FEZ2: variants seen among roughly 807,000 people sequenced by gnomAD.
The protein encoded by FEZ2 is fasciculation and elongation protein zeta 2.
Under a neutral mutation model 40.4 loss-of-function variants are expected in FEZ2, and 51 were observed. The observed-to-expected ratio is 1.26, with a 90% CI of 1.01 to 1.59. The LOEUF (loss-of-function observed/expected upper bound fraction) is 1.59, where lower values mean the gene tolerates loss of function less well. Ranked by LOEUF, FEZ2 falls within the 40% of genes most tolerant of loss-of-function variation. The pLI is 0.00. For synonymous variants in FEZ2, 242 were observed against 172.0 expected (o/e 1.41, Z -3.18); for missense variants, 640 against 438.3 (o/e 1.46, Z -4.11).
intron 5 of FEZ2, among the ~76,000 whole-genome samples, chr2:36,576,060 G>T (rs1668560691): frequency 6.6e-6 from 1 of 152,124 alleles, no homozygotes; most frequent in Non-Finnish European, 1.5e-5. Flanking sequence ...TAGTATCACT[G>T]ATAATAGCAA....
intron 2 of FEZ2, among the ~76,000 whole-genome samples, chr2:36,586,684 T>TA (rs1268588992): frequency 6.6e-6 from 1 of 150,780 alleles, no homozygotes; most frequent in African/African-American, 2.4e-5. Context: ...CTCACACCTG[T>TA]AATCCCAACA....
chr2:36,552,639 C>G lies in FEZ2; in HGVS notation c.*524G>C, dbSNP rs998659268. 4.7e-6 allele frequency: 1 copy of G among 213,478 alleles called. No individual in the cohort carries two copies. The highest frequency in any genetic ancestry group is 2.4e-5 in the African/African-American group (1 of 42,384). 13.2% of individuals were successfully genotyped at this position (213,478 alleles called of 1,614,324 possible). A position where few individuals can be genotyped will look rare whatever the true frequency, so the allele number is the denominator to read the frequency against. ...TTCAATGTTAGCACTAAGTATTAAA[C>G]CAAAGTAATGCATATTCTGGTTTTG... On this transcript the variant is annotated 3_prime_UTR_variant, in exon 8 of 8. Coordinates refer to ENST00000405912, the MANE Select transcript of FEZ2 (RefSeq NM_005102.3).
intron 1 of FEZ2, among the ~76,000 whole-genome samples, chr2:36,597,555 AGGAGG>A (rs1558463410): frequency 2.7e-4 from 2 of 7,434 alleles, no homozygotes; most frequent in Admixed American, 2.0e-3. Context: ...CACGTGCCCC[AGGAGG>A]TGCCCCAGGA....
At chr2:36,575,968 G>C (rs993750925) in intron 5 of FEZ2, among the ~76,000 whole-genome samples, 4 of 150,384 alleles carry the variant, frequency 2.7e-5, no homozygotes, top group African/African-American at 9.8e-5. Flanking sequence ...ATCTCAGGCA[G>C]GAGAAAAAAA....
intron 5 of FEZ2, among the ~76,000 whole-genome samples, chr2:36,560,096 G>A (rs140451807): frequency 5.3e-5 from 8 of 152,260 alleles, no homozygotes; most frequent in Admixed American, 5.2e-4. Context: ...ATTTCATATA[G>A]TGAAAGGTAA....
At chr2:36,592,645 A>C (rs1277217182) in intron 1 of FEZ2, among the ~76,000 whole-genome samples, 1 of 51,406 alleles carries the variant, frequency 1.9e-5, no homozygotes, top group Non-Finnish European at 3.8e-5. Context: ...ACATCTCTAC[A>C]AAAAAAAAAA....
At chr2:36,555,541 T>G (rs894104205) in intron 7 of FEZ2, 142 bp downstream of exon 7, 3 of 475,468 alleles carry the variant, frequency 6.3e-6, no homozygotes, top group Middle Eastern at 2.9e-4. Flanking sequence ...AAGTCAGTCA[T>G]GTAGCTAATC....
At chr2:36,579,300 T>C (rs1245735650) in intron 4 of FEZ2, among the ~76,000 whole-genome samples, 1 of 152,202 alleles carries the variant, frequency 6.6e-6, no homozygotes, top group Non-Finnish European at 1.5e-5. Flanking sequence ...GGAGTTGATC[T>C]GAAAGAATTA....
At chr2:36,569,769 G>A (rs1405544210) in intron 5 of FEZ2, among the ~76,000 whole-genome samples, 1 of 152,102 alleles carries the variant, frequency 6.6e-6, no homozygotes, top group East Asian at 1.9e-4. Context: ...AGCCTCACCT[G>A]ACACCAACTG....
At chr2:36,575,921 A>G (rs1235345575) in intron 5 of FEZ2, among the ~76,000 whole-genome samples, 2 of 152,334 alleles carry the variant, frequency 1.3e-5, no homozygotes, top group African/African-American at 2.4e-5. Context: ...TTCTATACTT[A>G]ACGAAAAACT....
At chr2:36,559,943 G>A (rs190945073) in intron 5 of FEZ2, among the ~76,000 whole-genome samples, 11 of 152,336 alleles carry the variant, frequency 7.2e-5, no homozygotes, top group Admixed American at 5.2e-4. Context: ...CCCTTCCGGA[G>A]AAACACTTAA....
intron 5 of FEZ2, among the ~76,000 whole-genome samples, chr2:36,566,956 A>ACACACT (rs546695037): frequency 4.7e-5 from 7 of 150,348 alleles, no homozygotes; most frequent in African/African-American, 1.7e-4. Flanking sequence ...ACACACACAC[A>ACACACT]CTCTCTCTCT....
chr2:36,597,871 A>C lies in FEZ2; in HGVS notation c.266+6T>G. ...CGCCCACTCCCGGCCGGGGCCCCGC[A>C]CTCACTCGTCCCCCTGCAGGAGGCT... On this transcript the variant is annotated splice_donor_region_variant and intron_variant, in intron 1 of 7. Transcript: ENST00000405912. The C allele has an allele frequency of 1.5e-6, 2 of 1,356,090 alleles. No homozygotes were observed. The highest frequency in any genetic ancestry group is 1.9e-6 in the Non-Finnish European group (2 of 1,059,536). 84.0% of individuals were successfully genotyped at this position (1,356,090 alleles called of 1,614,324 possible). A position where few individuals can be genotyped will look rare whatever the true frequency, so the allele number is the denominator to read the frequency against.
chr2:36,583,298 C>A, intron 3 of FEZ2, 55 bp downstream of exon 3: 1 of 889,626 alleles, frequency 1.1e-6, no homozygotes, highest in East Asian at 2.4e-5. Flanking sequence ...AACAAGAAGC[C>A]GTTTTTCAGC....
At chr2:36,577,826 T>A (rs879365503) in intron 5 of FEZ2, among the ~76,000 whole-genome samples, 9 of 152,228 alleles carry the variant, frequency 5.9e-5, no homozygotes, top group Non-Finnish European at 1.0e-4. Context: ...ATAGCTAGTT[T>A]GTGATTTGTA....
At chr2:36,592,823 T>C (rs1669109455) in intron 1 of FEZ2, among the ~76,000 whole-genome samples, 1 of 151,736 alleles carries the variant, frequency 6.6e-6, no homozygotes, top group African/African-American at 2.4e-5. Context: ...TCTAAAAATA[T>C]ATAAATAAAA....
chr2:36,566,166 C>T (rs1379586573), intron 5 of FEZ2, among the ~76,000 whole-genome samples: 2 of 152,160 alleles, frequency 1.3e-5, no homozygotes, highest in East Asian at 1.9e-4. Context: ...CAGTGAAACA[C>T]CATCTCTACT....
chr2:36,574,135 T>C (rs188918754), intron 5 of FEZ2, among the ~76,000 whole-genome samples: 2 of 152,332 alleles, frequency 1.3e-5, no homozygotes, highest in East Asian at 1.9e-4. Context: ...ATATAACAAT[T>C]AGCATTTACT....
At position 36,585,642 on chromosome 2, in the gene FEZ2, C is replaced by T. The variant is rs540856654; in HGVS notation, c.376-2173G>A. On this transcript the variant is annotated intron_variant, in intron 2 of 7. Transcript: ENST00000405912. ...TAAACCACAAAAAGGCAGGTAGTAT[C>T]CTAAGAAAAAACCTAAGTAGAAAAA... Among the ~76,000 whole-genome samples, 12 of 152,154 alleles carry T rather than the reference C, an allele frequency of 7.9e-5. No individual in the cohort carries two copies. The South Asian group carries it at 8.3e-4, about 11-fold the overall frequency.
Sources: gnomAD v4.1 joint callset for allele counts (sites outside exome capture counted in the v4.1 genomes callset) on GRCh38, gnomAD v4.1.1 for gene constraint, MANE v1.5 for transcripts, NCBI Gene and HGNC (gene_info 2026-07-23, HGNC 2026-07-21) for gene names.